Variants in STK32A observed in about 807,000 individuals in gnomAD.
STK32A encodes serine/threonine-protein kinase 32A.
In STK32A, 41 loss-of-function variants were observed where a neutral mutation model predicts 53.2. The ratio of observed to expected loss-of-function variants is 0.77; its 90% CI spans 0.60 to 1.00. The LOEUF (loss-of-function observed/expected upper bound fraction) is 1.00, where lower values mean the gene tolerates loss of function less well. Among genes scored for constraint, STK32A ranks in the 50% least tolerant of loss-of-function variants. The pLI is 0.00. For synonymous variants in STK32A, 166 were observed against 162.8 expected (o/e 1.02, Z -0.15); for missense variants, 458 against 485.8 (o/e 0.94, Z 0.54).
intron 5 of STK32A, among the ~76,000 whole-genome samples, chr5:147,324,621 TAC>T (rs1194526579): frequency 1.3e-5 from 2 of 152,106 alleles, no homozygotes; most frequent in African/African-American, 2.4e-5. Flanking sequence ...ATAGAGATAA[TAC>T]AGAGAAAAGG....
chr5:147,393,934 A>G, the STK32A span: 13 of 1,206,556 alleles, frequency 1.1e-5, no homozygotes, highest in African/African-American at 1.5e-5. Context: ...TCTTTAGATC[A>G]CAACCGTTTG....
chr5:147,345,006 A>T (rs530691496), intron 6 of STK32A, among the ~76,000 whole-genome samples: 21 of 152,282 alleles, frequency 1.4e-4, no homozygotes, highest in African/African-American at 4.6e-4. Flanking sequence ...GTCATTGCAG[A>T]TGAGGAAAAA....
intron 8 of STK32A, among the ~76,000 whole-genome samples, chr5:147,367,059 C>T (rs1756782058): frequency 6.6e-6 from 1 of 151,820 alleles, no homozygotes; most frequent in African/African-American, 2.4e-5. Context: ...GTATTATTCA[C>T]AGTATTTAAC....
Position 147,387,045 on chromosome 5 carries a change from C to T in STK32A, c.*3062C>T, listed in dbSNP as rs1347216937. 1 of 152,190 alleles carries T rather than the reference C, an allele frequency of 6.6e-6. No homozygotes were observed. Among genetic ancestry groups the T allele is most frequent in the Admixed American group, 6.5e-5 (1 of 15,288 alleles). 9.4% of individuals were successfully genotyped at this position (152,190 alleles called of 1,614,324 possible). Reference sequence around the variant, plus strand: ...CTATTAAATCCTTTGGCCTGGTATTCTTGAATGTTTTTCTCCCAGTGCTTC... The same window carrying T: ...CTATTAAATCCTTTGGCCTGGTATTTTTGAATGTTTTTCTCCCAGTGCTTC... On this transcript the variant is annotated 3_prime_UTR_variant, in exon 13 of 13. Coordinates refer to ENST00000397936, the MANE Select transcript of STK32A (RefSeq NM_001112724.2).
At chr5:147,400,185 G>A in the STK32A span, among the ~76,000 whole-genome samples, 1 of 152,128 alleles carries the variant, frequency 6.6e-6, no homozygotes, top group Admixed American at 6.5e-5. Flanking sequence ...CTTGTGATGT[G>A]AACAAGGAAA....
chr5:147,260,304 T>A lies in STK32A; in HGVS notation c.53-17820T>A, dbSNP rs1561675570. On this transcript the variant is annotated intron_variant, in intron 2 of 12. Coordinates refer to ENST00000397936, the MANE Select transcript of STK32A (RefSeq NM_001112724.2). ...TCTCTCTCTCTCGCCTGTCTCTCTC[T>A]CTCTCTCTCTCTCTTCTCCGTCTCT... Among the ~76,000 whole-genome samples the A allele has an allele frequency of 8.7e-4, 130 of 149,656 alleles. 4 individuals carry two copies. Among genetic ancestry groups the A allele is most frequent in the African/African-American group, 2.9e-3 (119 of 40,364 alleles).
At chr5:147,342,369 G>A (rs1340634515) in intron 5 of STK32A, 2 of 152,520 alleles carry the variant, frequency 1.3e-5, no homozygotes, top group Non-Finnish European at 2.9e-5. Flanking sequence ...GGATTAGGGG[G>A]GATTTGACCC....
chr5:147,396,502 G>A, the STK32A span, among the ~76,000 whole-genome samples: 6 of 152,198 alleles, frequency 3.9e-5, no homozygotes, highest in East Asian at 1.9e-4. Context: ...ATGAGGACGC[G>A]CTGCCAGAGG....
chr5:147,251,478 C>G (rs1267933268), intron 2 of STK32A, among the ~76,000 whole-genome samples: 1 of 152,172 alleles, frequency 6.6e-6, no homozygotes, highest in African/African-American at 2.4e-5. Flanking sequence ...AGCCACTGAC[C>G]TTAAGTCAGA....
intron 2 of STK32A, among the ~76,000 whole-genome samples, chr5:147,246,549 G>A (rs1473593063): frequency 6.6e-6 from 1 of 152,084 alleles, no homozygotes; most frequent in East Asian, 1.9e-4. Context: ...TAATTTTTGT[G>A]AAAAACATTT....
intron 5 of STK32A, among the ~76,000 whole-genome samples, chr5:147,330,953 A>G (rs756476258): frequency 4.6e-5 from 7 of 152,206 alleles, no homozygotes; most frequent in Non-Finnish European, 1.0e-4. Flanking sequence ...CTGGAGTGTC[A>G]CCTTTGTGTC....
At chr5:147,261,709 A>T (rs1266156779) in intron 2 of STK32A, among the ~76,000 whole-genome samples, 3 of 152,176 alleles carry the variant, frequency 2.0e-5, no homozygotes, top group Non-Finnish European at 4.4e-5. Flanking sequence ...TTATGTTAGG[A>T]GTTTGGTTTA....
intron 5 of STK32A, among the ~76,000 whole-genome samples, chr5:147,334,246 C>A (rs1755008174): frequency 6.6e-6 from 1 of 152,174 alleles, no homozygotes. Context: ...TAAAGTAGTT[C>A]ATTTTCAGAC....
At chr5:147,391,836 T>C (rs185191627), downstream of STK32A, 11 of 152,270 alleles carry the variant, frequency 7.2e-5, no homozygotes, top group African/African-American at 1.9e-4. Flanking sequence ...AAGGAAATCT[T>C]GTGCAGAATC....
At chr5:147,383,558 CAG>C in intron 12 of STK32A, 53 bp downstream of exon 12, 2 of 1,345,042 alleles carry the variant, frequency 1.5e-6, no homozygotes, top group Non-Finnish European at 2.1e-6. Flanking sequence ...ATGTTTCAGC[CAG>C]ACTTTACTTG....
At chr5:147,334,904 C>A (rs910163579) in intron 5 of STK32A, among the ~76,000 whole-genome samples, 9 of 152,142 alleles carry the variant, frequency 5.9e-5, no homozygotes, top group African/African-American at 1.2e-4. Flanking sequence ...ACATTCAAGA[C>A]CCCCAGTGGA....
intron 2 of STK32A, among the ~76,000 whole-genome samples, chr5:147,240,466 A>T (rs1260816353): frequency 3.3e-5 from 5 of 152,174 alleles, no homozygotes; most frequent in Non-Finnish European, 7.4e-5. Flanking sequence ...AGGGAGGAAA[A>T]GAATGGACTG....
At chr5:147,324,139 A>G in intron 5 of STK32A, 68 bp downstream of exon 5, 1 of 1,400,326 alleles carries the variant, frequency 7.1e-7, no homozygotes, top group Non-Finnish European at 9.6e-7. Context: ...GGCTACCTTC[A>G]ATAAATTCTT....
At chr5:147,273,425 T>A (rs1292036270) in intron 2 of STK32A, among the ~76,000 whole-genome samples, 1 of 152,166 alleles carries the variant, frequency 6.6e-6, no homozygotes, top group Non-Finnish European at 1.5e-5. Flanking sequence ...GGGTCCAGAA[T>A]GAGAAAGGTG....
Sources: gnomAD v4.1 joint callset for allele counts (sites outside exome capture counted in the v4.1 genomes callset) on GRCh38, gnomAD v4.1.1 for gene constraint, MANE v1.5 for transcripts, NCBI Gene and HGNC (gene_info 2026-07-23, HGNC 2026-07-21) for gene names.